RBFOX1: variants seen among roughly 807,000 people sequenced by gnomAD.
RBFOX1 encodes RNA binding protein fox-1 homolog 1.
A neutral mutation model predicts 57.7 loss-of-function variants in RBFOX1; 8 were observed. The observed-to-expected ratio is 0.14, with a 90% CI of 0.08 to 0.25. The LOEUF (loss-of-function observed/expected upper bound fraction) is 0.25. Among genes scored for constraint, RBFOX1 ranks in the 10% least tolerant of loss-of-function variants. The pLI is 1.00. For synonymous variants in RBFOX1, 326 were observed against 222.4 expected (o/e 1.47, Z -4.15); for missense variants, 611 against 548.5 (o/e 1.11, Z -1.14).
At chr16:6,631,289 G>T (rs186650583) in intron 2 of RBFOX1, among the ~76,000 whole-genome samples, 1 of 152,228 alleles carries the variant, frequency 6.6e-6, no homozygotes, top group Admixed American at 6.5e-5. Context: ...GTGAGTGTGT[G>T]TGTGTGTACG....
intron 4 of RBFOX1, among the ~76,000 whole-genome samples, chr16:5,974,035 T>A (rs1268957302): frequency 6.6e-6 from 1 of 152,248 alleles, no homozygotes; most frequent in African/African-American, 2.4e-5. Flanking sequence ...AAAATAGAGA[T>A]GATCATCGTA....
chr16:6,843,122 T>C (rs746337876), intron 3 of RBFOX1, among the ~76,000 whole-genome samples: 2 of 152,200 alleles, frequency 1.3e-5, no homozygotes, highest in African/African-American at 4.8e-5. Context: ...TTCTTATTGT[T>C]GTTGTTTTCA....
intron 4 of RBFOX1, among the ~76,000 whole-genome samples, chr16:7,455,987 G>T (rs892710305): frequency 6.6e-6 from 1 of 152,022 alleles, no homozygotes; most frequent in African/African-American, 2.4e-5. Context: ...TTTTATTAAG[G>T]GCAGGGCCAG....
chr16:6,845,848 C>T (rs1394926119), intron 3 of RBFOX1, among the ~76,000 whole-genome samples: 1 of 152,236 alleles, frequency 6.6e-6, no homozygotes, highest in Admixed American at 6.5e-5. Context: ...GGGATAATCT[C>T]AGTCCCACTT....
intron 2 of RBFOX1, among the ~76,000 whole-genome samples, chr16:6,522,752 G>C (rs2096525715): frequency 6.6e-6 from 1 of 152,126 alleles, no homozygotes; most frequent in African/African-American, 2.4e-5. Flanking sequence ...GTCTTCTTCT[G>C]CTTAACCCAT....
intron 3 of RBFOX1, among the ~76,000 whole-genome samples, chr16:7,046,881 C>A (rs959106585): frequency 6.6e-6 from 1 of 152,094 alleles, no homozygotes; most frequent in South Asian, 2.1e-4. Flanking sequence ...TCTGGAATTA[C>A]AGGCGTGAGC....
At chr16:6,852,906 A>G (rs193259607) in intron 3 of RBFOX1, among the ~76,000 whole-genome samples, 1 of 152,190 alleles carries the variant, frequency 6.6e-6, no homozygotes, top group African/African-American at 2.4e-5. Flanking sequence ...CACAAGGTGC[A>G]TGCTGGGAAC....
At chr16:6,207,445 G>A (rs1047935597) in intron 1 of RBFOX1, among the ~76,000 whole-genome samples, 3 of 152,136 alleles carry the variant, frequency 2.0e-5, no homozygotes, top group Non-Finnish European at 4.4e-5. Context: ...AGGTGTTACT[G>A]GAATGATGAA....
intron 3 of RBFOX1, among the ~76,000 whole-genome samples, chr16:6,841,063 C>G: frequency 6.6e-6 from 1 of 152,030 alleles, no homozygotes; most frequent in East Asian, 1.9e-4. Flanking sequence ...TGCAAGCCAC[C>G]TGTTTGTTTG....
chr16:6,267,752 G>A (rs781130322), intron 1 of RBFOX1, among the ~76,000 whole-genome samples: 3 of 152,010 alleles, frequency 2.0e-5, no homozygotes, highest in Non-Finnish European at 4.4e-5. Flanking sequence ...GGTACAAGTC[G>A]CTTAGATTTA....
At chr16:5,958,261 G>T (rs1288274358) in intron 4 of RBFOX1, among the ~76,000 whole-genome samples, 1 of 152,178 alleles carries the variant, frequency 6.6e-6, no homozygotes, top group Non-Finnish European at 1.5e-5. Context: ...GAGTACATGA[G>T]ACTTGCTTGG....
At chr16:5,954,229 A>T (rs1400859940) in intron 4 of RBFOX1, among the ~76,000 whole-genome samples, 1 of 152,140 alleles carries the variant, frequency 6.6e-6, no homozygotes, top group Non-Finnish European at 1.5e-5. Context: ...CCGTGGTCTC[A>T]TGGATGGAGG....
chr16:7,083,466 A>G (rs1046854118), intron 4 of RBFOX1, among the ~76,000 whole-genome samples: 2 of 152,090 alleles, frequency 1.3e-5, no homozygotes, highest in African/African-American at 4.8e-5. Flanking sequence ...ATATAAAAAA[A>G]CAAGAAATGA....
chr16:6,575,251 A>T (rs1176300260), intron 2 of RBFOX1, among the ~76,000 whole-genome samples: 1 of 152,126 alleles, frequency 6.6e-6, no homozygotes, highest in African/African-American at 2.4e-5. Context: ...ATTACATCCT[A>T]GTGTCTAAAG....
chr16:5,424,695 C>T (rs12445342), intron 1 of RBFOX1, among the ~76,000 whole-genome samples: 63,070 of 151,724 alleles, frequency 0.42, 15,545 homozygotes, highest in East Asian at 0.62. Context: ...ATTTTAGATT[C>T]TGAGGGCGCA....
At chr16:6,310,532 C>G (rs1290923532) in intron 1 of RBFOX1, among the ~76,000 whole-genome samples, 1 of 151,872 alleles carries the variant, frequency 6.6e-6, no homozygotes, top group African/African-American at 2.4e-5. Flanking sequence ...CATCAACCCT[C>G]TGAGGTGGGC....
intron 3 of RBFOX1, among the ~76,000 whole-genome samples, chr16:6,938,410 A>T (rs11077116): frequency 6.6e-6 from 1 of 151,948 alleles, no homozygotes; most frequent in African/African-American, 2.4e-5. Flanking sequence ...GGGTCGGAAA[A>T]ATGTAACTGT....
At chr16:7,271,556 A>G (rs1037487852) in intron 4 of RBFOX1, among the ~76,000 whole-genome samples, 4 of 152,044 alleles carry the variant, frequency 2.6e-5, no homozygotes, top group Non-Finnish European at 5.9e-5. Flanking sequence ...TAGTATAATA[A>G]CTAGAAGCTC....
At chr16:6,288,211 C>T (rs949100897) in intron 1 of RBFOX1, among the ~76,000 whole-genome samples, 3 of 145,580 alleles carry the variant, frequency 2.1e-5, no homozygotes, top group African/African-American at 7.6e-5. Flanking sequence ...TGTTTGTGGT[C>T]AACAATGCTT....
Sources: gnomAD v4.1 joint callset for allele counts (sites outside exome capture counted in the v4.1 genomes callset) on GRCh38, gnomAD v4.1.1 for gene constraint, MANE v1.5 for transcripts, NCBI Gene and HGNC (gene_info 2026-07-23, HGNC 2026-07-21) for gene names.